The following PRSS55 variants were observed in gnomAD, a reference collection of about 807,000 sequenced individuals.
PRSS55 encodes probable serine protease UNQ9391/PRO34284.
Under a neutral mutation model 23.6 loss-of-function variants are expected in PRSS55, and 41 were observed. That is an observed-to-expected ratio of 1.74 (90% confidence interval 1.35 to 2.26). The LOEUF (loss-of-function observed/expected upper bound fraction) is 2.26. Among genes scored for constraint, PRSS55 ranks in the 30% most tolerant of loss-of-function variants. PRSS55 has a pLI of 0.00. For synonymous variants in PRSS55, 262 were observed against 175.5 expected (o/e 1.49, Z -3.90); for missense variants, 669 against 439.1 (o/e 1.52, Z -4.68).
At chr8:10,532,616 A>G (rs1386736037) in intron 3 of PRSS55, among the ~76,000 whole-genome samples, 1 of 152,262 alleles carries the variant, frequency 6.6e-6, no homozygotes, top group Non-Finnish European at 1.5e-5. Flanking sequence ...GTCAGTAGCC[A>G]GTTCCAAGAA....
chr8:10,529,774 TG>T, intron 2 of PRSS55, 75 bp downstream of exon 2: 1 of 1,437,602 alleles, frequency 7.0e-7, no homozygotes, highest in East Asian at 2.3e-5. Context: ...CACCCACACC[TG>T]GTGGCTGAGA....
downstream of PRSS55, among the ~76,000 whole-genome samples, chr8:10,542,873 CAAAAA>C (rs57410579): frequency 5.1e-4 from 41 of 80,998 alleles, no homozygotes; most frequent in African/African-American, 1.2e-3. Flanking sequence ...AACTTTGTCT[CAAAAA>C]AAAAAAAAAA....
chr8:10,550,990 C>T (rs1236160018), intron 4 of PRSS55, among the ~76,000 whole-genome samples: 1 of 152,210 alleles, frequency 6.6e-6, no homozygotes. Flanking sequence ...CTGACATGGA[C>T]CCAGGCTTCC....
chr8:10,553,148 G>A (rs1206664058), intron 4 of PRSS55, among the ~76,000 whole-genome samples: 1 of 152,140 alleles, frequency 6.6e-6, no homozygotes, highest in Non-Finnish European at 1.5e-5. Flanking sequence ...TAGTGAGTGA[G>A]TTCTCACGAG....
At chr8:10,546,903 ACTC>A (rs1315991978) in intron 4 of PRSS55, among the ~76,000 whole-genome samples, 1 of 151,370 alleles carries the variant, frequency 6.6e-6, no homozygotes, top group African/African-American at 2.4e-5. Flanking sequence ...CTGGCCTTGT[ACTC>A]CTGGGCTCAA....
chr8:10,525,828 G>C, intron 1 of PRSS55, 89 bp downstream of exon 1: 20 of 1,375,206 alleles, frequency 1.5e-5, no homozygotes, highest in Non-Finnish European at 2.0e-5. Context: ...CACAAGGCCA[G>C]AGCTCCAGGG....
At chr8:10,552,327 A>C (rs547701418) in intron 4 of PRSS55, among the ~76,000 whole-genome samples, 4 of 152,230 alleles carry the variant, frequency 2.6e-5, no homozygotes, top group Non-Finnish European at 4.4e-5. Context: ...TCCAGGAAAC[A>C]TCTTCCTACT....
At chr8:10,525,883 C>G in intron 1 of PRSS55, 144 bp downstream of exon 1, 1 of 908,794 alleles carries the variant, frequency 1.1e-6, no homozygotes, top group Non-Finnish European at 1.6e-6. Context: ...TTTCTCTCCT[C>G]TCTCCCCTGG....
intron 4 of PRSS55, among the ~76,000 whole-genome samples, chr8:10,553,172 A>C (rs183690056): frequency 2.0e-5 from 3 of 152,316 alleles, no homozygotes; most frequent in African/African-American, 7.2e-5. Flanking sequence ...TGATGGTTTC[A>C]TAAGGGGCTC....
intron 4 of PRSS55, among the ~76,000 whole-genome samples, chr8:10,547,138 C>T (rs191242491): frequency 2.2e-4 from 34 of 152,292 alleles, no homozygotes; most frequent in Admixed American, 3.9e-4. Context: ...CTGCAGTCAC[C>T]GCTCCTATTT....
In PRSS55 at chr8:10,525,597, C is replaced by T. The variant is rs777787289; in HGVS notation, c.12C>T (p.Phe4=). 1 of 1,614,114 alleles carries T rather than the reference C, an allele frequency of 6.2e-7. No homozygotes were observed. Among genetic ancestry groups the T allele is most frequent in the Non-Finnish European group, 8.5e-7 (1 of 1,180,002 alleles). The change falls in exon 1 of 5, where the codon TTC becomes TTT. Residue 4 remains phenylalanine (F), a synonymous_variant. Coordinates refer to ENST00000328655, the MANE Select transcript of PRSS55 (RefSeq NM_198464.4). MLL[F]SVLLLLSLVT... ...CACAGCCCAGGGCCATGCTCCTGTT[C>T]TCAGTGTTGCTGCTCCTGTCCCTGG...
chr8:10,535,525 T>C (rs899938669), intron 4 of PRSS55, among the ~76,000 whole-genome samples: 18 of 152,342 alleles, frequency 1.2e-4, no homozygotes, highest in African/African-American at 3.8e-4. Context: ...ATGCAGAAGA[T>C]TGAAACTGGA....
chr8:10,532,415 G>C (rs1019237155), intron 3 of PRSS55, among the ~76,000 whole-genome samples: 5 of 152,156 alleles, frequency 3.3e-5, no homozygotes, highest in Non-Finnish European at 5.9e-5. Context: ...GCCCAGAAAG[G>C]GCCTCTGCAA....
At chr8:10,529,762 C>T in intron 2 of PRSS55, 63 bp downstream of exon 2, 3 of 1,506,352 alleles carry the variant, frequency 2.0e-6, no homozygotes, top group South Asian at 2.5e-5. Context: ...CACCCTCCCC[C>T]TCACCCACAC....
intron 4 of PRSS55, among the ~76,000 whole-genome samples, chr8:10,552,073 A>G (rs1812964289): frequency 6.6e-6 from 1 of 152,224 alleles, no homozygotes; most frequent in Admixed American, 6.5e-5. Context: ...GTAAGCCTTC[A>G]TGTGCTCTGT....
intron 2 of PRSS55, among the ~76,000 whole-genome samples, chr8:10,530,159 G>C (rs565955767): frequency 3.3e-5 from 5 of 152,316 alleles, no homozygotes; most frequent in African/African-American, 1.2e-4. Context: ...CTATGTGCTG[G>C]GGACCCTGCT....
chr8:10,550,123 T>C (rs1419737573), intron 4 of PRSS55, among the ~76,000 whole-genome samples: 1 of 152,138 alleles, frequency 6.6e-6, no homozygotes, highest in African/African-American at 2.4e-5. Flanking sequence ...TTCTCCATGT[T>C]GGCCAGGCTG....
downstream of PRSS55, chr8:10,538,848 C>T (rs915511813): frequency 4.1e-6 from 6 of 1,469,802 alleles, no homozygotes; most frequent in Admixed American, 6.8e-5. Flanking sequence ...AAGTGCGTCT[C>T]CAGCAGAGGC....
chr8:10,544,980 AACTG>A (rs763695986), intron 4 of PRSS55: 107 of 984,178 alleles, frequency 1.1e-4, no homozygotes, highest in East Asian at 4.5e-4. Flanking sequence ...AGGGACAGAA[AACTG>A]ACTGTGTGCT....
Sources: gnomAD v4.1 joint callset for allele counts (sites outside exome capture counted in the v4.1 genomes callset) on GRCh38, gnomAD v4.1.1 for gene constraint, MANE v1.5 for transcripts, NCBI Gene and HGNC (gene_info 2026-07-23, HGNC 2026-07-21) for gene names.